The following RABGAP1L variants were observed in gnomAD, a reference collection of about 807,000 sequenced individuals.
The protein encoded by RABGAP1L is rab GTPase-activating protein 1-like.
A neutral mutation model predicts 137.7 loss-of-function variants in RABGAP1L; 63 were observed. That is an observed-to-expected ratio of 0.46 (90% confidence interval 0.37 to 0.56). The LOEUF (loss-of-function observed/expected upper bound fraction) is 0.56, where lower values mean the gene tolerates loss of function less well. Ranked by LOEUF, RABGAP1L falls within the 20% of genes least tolerant of loss-of-function variation. The pLI, the probability that RABGAP1L is intolerant of heterozygous loss-of-function variation, is 0.00. For missense variants in RABGAP1L, 1,095 were observed against 1,244.0 expected (o/e 0.88, Z 1.80); for synonymous variants, 431 against 433.7 (o/e 0.99, Z 0.08).
At chr1:174,170,330 A>G (rs1047778251) in intron 1 of RABGAP1L, among the ~76,000 whole-genome samples, 4 of 152,140 alleles carry the variant, frequency 2.6e-5, no homozygotes, top group African/African-American at 9.7e-5. Flanking sequence ...CGATTATAAT[A>G]TCATCTCCAG....
At chr1:174,873,646 G>T (rs868242738) in intron 19 of RABGAP1L, among the ~76,000 whole-genome samples, 1 of 151,542 alleles carries the variant, frequency 6.6e-6, no homozygotes, top group African/African-American at 2.4e-5. Flanking sequence ...GAGTAGCTGG[G>T]TCTACAGGCG....
intron 4 of RABGAP1L, among the ~76,000 whole-genome samples, chr1:174,240,874 A>G (rs1671752570): frequency 6.6e-6 from 1 of 152,188 alleles, no homozygotes; most frequent in Admixed American, 6.5e-5. Context: ...GAGTTGGTTC[A>G]TAGGAAACAC....
chr1:174,254,960 T>C (rs1194329184), intron 7 of RABGAP1L, among the ~76,000 whole-genome samples: 15 of 152,230 alleles, frequency 9.9e-5, no homozygotes, highest in Admixed American at 9.8e-4. Flanking sequence ...GCCAGCAGTG[T>C]AAAAGTGTTC....
intron 11 of RABGAP1L, among the ~76,000 whole-genome samples, chr1:174,358,275 C>T (rs1440574376): frequency 6.6e-6 from 1 of 152,060 alleles, no homozygotes; most frequent in East Asian, 1.9e-4. Flanking sequence ...TTCCCAAATT[C>T]CCAATCAGGT....
At chr1:174,782,968 C>A (rs1211359455) in intron 18 of RABGAP1L, among the ~76,000 whole-genome samples, 1 of 152,164 alleles carries the variant, frequency 6.6e-6, no homozygotes, top group African/African-American at 2.4e-5. Context: ...CTTTGGGTCC[C>A]CTCCCATTGT....
intron 14 of RABGAP1L, among the ~76,000 whole-genome samples, chr1:174,668,739 G>T (rs917679553): frequency 2.0e-5 from 3 of 151,970 alleles, no homozygotes; most frequent in African/African-American, 7.3e-5. Context: ...AACGTGCAAG[G>T]GTTTCTTTTT....
intron 4 of RABGAP1L, among the ~76,000 whole-genome samples, chr1:174,236,966 A>G (rs868713489): frequency 2.3e-5 from 2 of 88,104 alleles, no homozygotes; most frequent in Non-Finnish European, 4.3e-5. Flanking sequence ...TATTGGGTGC[A>G]TATATATTTA....
intron 1 of RABGAP1L, among the ~76,000 whole-genome samples, chr1:174,201,689 T>C (rs1367418197): frequency 1.3e-5 from 2 of 151,802 alleles, no homozygotes; most frequent in African/African-American, 2.4e-5. Context: ...TTAGGGTACA[T>C]GTGCACAACG....
intron 13 of RABGAP1L, among the ~76,000 whole-genome samples, chr1:174,429,507 T>G (rs1488821407): frequency 3.3e-5 from 5 of 152,080 alleles, no homozygotes; most frequent in Non-Finnish European, 7.4e-5. Context: ...TTTTGGAGGC[T>G]GAGGCGGGTG....
intron 19 of RABGAP1L, among the ~76,000 whole-genome samples, chr1:174,831,612 A>G (rs1205610639): frequency 6.7e-6 from 1 of 148,494 alleles, no homozygotes; most frequent in Non-Finnish European, 1.5e-5. Flanking sequence ...AAGGTTCAGC[A>G]TTAGTCATTT....
intron 19 of RABGAP1L, 135 bp downstream of exon 19, chr1:174,812,095 C>A: frequency 2.4e-6 from 2 of 826,062 alleles, no homozygotes; most frequent in South Asian, 3.1e-5. Context: ...CTGATTTCTC[C>A]CAGATGTGTT....
intron 10 of RABGAP1L, among the ~76,000 whole-genome samples, chr1:174,287,019 G>A (rs960739436): frequency 3.3e-5 from 5 of 151,994 alleles, no homozygotes; most frequent in African/African-American, 7.2e-5. Context: ...CTGTTGGATA[G>A]GATGTTCTTT....
At position 174,292,564 on chromosome 1, in the gene RABGAP1L, CT is replaced by C. The variant is rs527654883; in HGVS notation, c.1324-12414del. Reference sequence around the variant, plus strand: ...GATTTTCCAATATTTTTAGATTTTCCTTTTTTTTGCTATTGACTTCTGATTT... The same window carrying C: ...GATTTTCCAATATTTTTAGATTTTCCTTTTTTTGCTATTGACTTCTGATTT... On this transcript the variant is annotated intron_variant, in intron 10 of 25. Coordinates refer to ENST00000681986, the MANE Select transcript of RABGAP1L (RefSeq NM_001366446.1). Among the ~76,000 whole-genome samples, 10 of 151,014 alleles carry C rather than the reference CT, an allele frequency of 6.6e-5. No individual in the cohort carries two copies. The South Asian group carries it at 1.9e-3, about 28-fold the overall frequency.
chr1:174,689,335 ATATATT>A (rs1425654335), intron 15 of RABGAP1L, among the ~76,000 whole-genome samples: 1 of 151,624 alleles, frequency 6.6e-6, no homozygotes, highest in Non-Finnish European at 1.5e-5. Context: ...TCGTATATAT[ATATATT>A]TATAACATAT....
chr1:174,215,735 A>G (rs1669257867), intron 1 of RABGAP1L, among the ~76,000 whole-genome samples: 1 of 152,180 alleles, frequency 6.6e-6, no homozygotes, highest in South Asian at 2.1e-4. Context: ...AGTATGCATT[A>G]GTACAAGCAC....
At chr1:174,358,279 A>G (rs767130989) in intron 11 of RABGAP1L, among the ~76,000 whole-genome samples, 3 of 152,166 alleles carry the variant, frequency 2.0e-5, no homozygotes, top group East Asian at 1.9e-4. Context: ...CAAATTCCCA[A>G]TCAGGTCCAT....
chr1:174,533,275 C>T lies in RABGAP1L; in HGVS notation c.1711-104100C>T, dbSNP rs117360278. ...ACAAATATAATGGAATCCTTCCATG[C>T]GCTCCCCTCTGGTACCATCGCTCTT... On this transcript the variant is annotated intron_variant, in intron 13 of 25. Coordinates refer to ENST00000681986, the MANE Select transcript of RABGAP1L (RefSeq NM_001366446.1). Among the ~76,000 whole-genome samples the T allele has an allele frequency of 6.8e-3, 1,030 of 152,222 alleles. 27 individuals carry two copies. The highest frequency in any genetic ancestry group is 0.048 in the Admixed American group (739 of 15,286).
chr1:174,248,068 G>T (rs955285430), intron 5 of RABGAP1L, among the ~76,000 whole-genome samples: 2 of 152,178 alleles, frequency 1.3e-5, no homozygotes, highest in Non-Finnish European at 2.9e-5. Context: ...ATTTACACTT[G>T]ACCTTGTAGG....
At chr1:174,542,336 C>T (rs536967446) in intron 13 of RABGAP1L, among the ~76,000 whole-genome samples, 17 of 152,236 alleles carry the variant, frequency 1.1e-4, no homozygotes, top group African/African-American at 1.9e-4. Context: ...GTGTATGTGT[C>T]GAGGAATTTA....
Sources: allele counts gnomAD v4.1 joint callset (sites outside exome capture counted in the v4.1 genomes callset), GRCh38; gene constraint gnomAD v4.1.1; transcripts MANE v1.5; gene names NCBI Gene and HGNC (gene_info 2026-07-23, HGNC 2026-07-21).